Variants in SPAG16 observed in about 807,000 individuals in gnomAD.
SPAG16 encodes sperm-associated antigen 16 protein.
Under a neutral mutation model 80.4 loss-of-function variants are expected in SPAG16, and 86 were observed. The observed-to-expected ratio is 1.07, with a 90% CI of 0.90 to 1.28. SPAG16 has a LOEUF of 1.28. SPAG16 is among the 50% of genes most tolerant of loss of function. The probability of loss-of-function intolerance (pLI) is 0.00; values close to 1 mark genes in which losing one functional copy is unlikely to be tolerated. For missense variants in SPAG16, 870 were observed against 765.3 expected (o/e 1.14, Z -1.61); for synonymous variants, 294 against 265.9 (o/e 1.11, Z -1.03).
At chr2:213,875,068 A>T (rs2076091631) in intron 11 of SPAG16, among the ~76,000 whole-genome samples, 3 of 151,622 alleles carry the variant, frequency 2.0e-5, no homozygotes, top group Admixed American at 2.0e-4. Context: ...TACTCTCCAT[A>T]CGACCTGGGA....
intron 13 of SPAG16, among the ~76,000 whole-genome samples, chr2:214,042,369 A>G (rs898787286): frequency 1.2e-4 from 18 of 152,014 alleles, no homozygotes; most frequent in African/African-American, 3.9e-4. Flanking sequence ...GTAATGGGAA[A>G]AACTGCAGTT....
At chr2:213,546,771 A>G (rs957070798) in intron 10 of SPAG16, among the ~76,000 whole-genome samples, 1 of 152,168 alleles carries the variant, frequency 6.6e-6, no homozygotes, top group African/African-American at 2.4e-5. Context: ...TGAAAAATTC[A>G]CTCAGAAATA....
chr2:214,089,821 C>T (rs2052046836), intron 13 of SPAG16, among the ~76,000 whole-genome samples: 2 of 152,110 alleles, frequency 1.3e-5, no homozygotes, highest in Admixed American at 6.6e-5. Context: ...CCATGACCCT[C>T]CCTAAATCCA....
chr2:214,233,494 G>A (rs557325622), intron 15 of SPAG16, among the ~76,000 whole-genome samples: 1 of 152,132 alleles, frequency 6.6e-6, no homozygotes, highest in Admixed American at 6.6e-5. Context: ...AAGAGGTACA[G>A]TTGGACTGCC....
At chr2:213,348,343 T>A (rs1171112246) in intron 6 of SPAG16, among the ~76,000 whole-genome samples, 1 of 152,220 alleles carries the variant, frequency 6.6e-6, no homozygotes, top group Non-Finnish European at 1.5e-5. Context: ...TTTGCCAGTC[T>A]GTGTCTTTTA....
intron 9 of SPAG16, among the ~76,000 whole-genome samples, chr2:213,475,932 G>T (rs1050587873): frequency 2.6e-5 from 4 of 152,190 alleles, no homozygotes; most frequent in Non-Finnish European, 5.9e-5. Context: ...TCCTGACATG[G>T]TGGGAAAAGA....
At chr2:214,203,275 CT>C (rs1227040420) in intron 15 of SPAG16, among the ~76,000 whole-genome samples, 1 of 152,028 alleles carries the variant, frequency 6.6e-6, no homozygotes, top group African/African-American at 2.4e-5. Flanking sequence ...TTTCTAAGTT[CT>C]TTAAAGCATT....
chr2:213,782,139 G>A (rs1559464767), intron 10 of SPAG16, among the ~76,000 whole-genome samples: 1 of 149,674 alleles, frequency 6.7e-6, no homozygotes, highest in Non-Finnish European at 1.5e-5. Context: ...TTTATTACTT[G>A]TAGTTGATAT....
chr2:213,524,466 G>T (rs1397204092), intron 10 of SPAG16, among the ~76,000 whole-genome samples: 1 of 152,186 alleles, frequency 6.6e-6, no homozygotes. Context: ...TAGGTCCACT[G>T]ACAGTTTTCC....
At chr2:213,518,061 C>A (rs2075507656) in intron 10 of SPAG16, among the ~76,000 whole-genome samples, 1 of 152,152 alleles carries the variant, frequency 6.6e-6, no homozygotes, top group South Asian at 2.1e-4. Flanking sequence ...ATGCATCTGG[C>A]AAAGGCCTAG....
intron 15 of SPAG16, among the ~76,000 whole-genome samples, chr2:214,258,701 G>A (rs1478184499): frequency 6.6e-6 from 1 of 151,628 alleles, no homozygotes. Context: ...CTGAGACACT[G>A]TTTATTATGT....
intron 10 of SPAG16, among the ~76,000 whole-genome samples, chr2:213,669,468 C>A (rs1443692934): frequency 6.6e-6 from 1 of 152,130 alleles, no homozygotes; most frequent in Non-Finnish European, 1.5e-5. Context: ...AATGAGTTTT[C>A]AGAAATATCC....
At chr2:213,299,869 A>G (rs2062662616) in intron 3 of SPAG16, among the ~76,000 whole-genome samples, 1 of 152,144 alleles carries the variant, frequency 6.6e-6, no homozygotes, top group African/African-American at 2.4e-5. Flanking sequence ...AAGTAAAGGT[A>G]GGATTATATA....
At chr2:213,618,572 T>G (rs2061671760) in intron 10 of SPAG16, among the ~76,000 whole-genome samples, 1 of 152,196 alleles carries the variant, frequency 6.6e-6, no homozygotes, top group Non-Finnish European at 1.5e-5. Flanking sequence ...GCCAATCTCT[T>G]TAACAGGGGC....
At chr2:213,530,600 T>A (rs1441352611) in intron 10 of SPAG16, among the ~76,000 whole-genome samples, 1 of 152,224 alleles carries the variant, frequency 6.6e-6, no homozygotes, top group East Asian at 1.9e-4. Flanking sequence ...TTGAACTGTT[T>A]CTGTTTTTAG....
chr2:213,898,198 T>C (rs2077070471), intron 11 of SPAG16, among the ~76,000 whole-genome samples: 2 of 152,200 alleles, frequency 1.3e-5, no homozygotes, highest in African/African-American at 4.8e-5. Context: ...ACAAAGCTTT[T>C]AAATGGCAAA....
chr2:213,694,053 AAG>A (rs1553610848), intron 10 of SPAG16, among the ~76,000 whole-genome samples: 3 of 151,722 alleles, frequency 2.0e-5, no homozygotes, highest in African/African-American at 7.3e-5. Flanking sequence ...AAAAAAAAAA[AAG>A]AAAAAAGAGA....
intron 10 of SPAG16, among the ~76,000 whole-genome samples, chr2:213,837,180 G>A (rs1275995697): frequency 6.6e-6 from 1 of 152,096 alleles, no homozygotes; most frequent in Non-Finnish European, 1.5e-5. Flanking sequence ...ATATATTTAT[G>A]TATCCATATA....
At chr2:213,370,438 T>G (rs2066568693) in intron 8 of SPAG16, among the ~76,000 whole-genome samples, 1 of 152,216 alleles carries the variant, frequency 6.6e-6, no homozygotes. Flanking sequence ...GAGTGTACAT[T>G]TCTGTCAACT....
Sources: gnomAD v4.1 joint callset for allele counts (sites outside exome capture counted in the v4.1 genomes callset) on GRCh38, gnomAD v4.1.1 for gene constraint, MANE v1.5 for transcripts, NCBI Gene and HGNC (gene_info 2026-07-23, HGNC 2026-07-21) for gene names.